SYNE2: variants seen among roughly 807,000 people sequenced by gnomAD.
SYNE2 encodes the protein spectrin repeat containing nuclear envelope protein 2.
SYNE2 carries 431 observed loss-of-function variants against 856.3 expected under a neutral mutation model. That is an observed-to-expected ratio of 0.50 (90% CI 0.47 to 0.55). The LOEUF is 0.55. Ranked by LOEUF, SYNE2 falls within the 20% of genes least tolerant of loss-of-function variation. SYNE2 has a pLI of 0.00. For synonymous variants in SYNE2, 2,923 were observed against 2,872.3 expected, an observed-to-expected ratio of 1.02 and a Z score of -0.56; for missense variants, 8,129 against 8,023.2, an observed-to-expected ratio of 1.01 and a Z score of -0.50.
intron 2 of SYNE2, among the ~76,000 whole-genome samples, chr14:63,919,972 G>GTTTTTTTTT (rs10673123): frequency 0.05 from 5,493 of 110,012 alleles, 709 homozygotes; most frequent in African/African-American, 0.2. Context: ...TAAAAGGTAA[G>GTTTTTTTTT]TTTTTTTTTT....
At chr14:63,862,662 C>T (rs1308352858) in intron 1 of SYNE2, among the ~76,000 whole-genome samples, 4 of 152,134 alleles carry the variant, frequency 2.6e-5, no homozygotes, top group Admixed American at 2.0e-4. Context: ...AGACTATACA[C>T]GCATGCCCTG....
At chr14:63,941,843 A>AT in intron 4 of SYNE2, 42 bp from the exon 5 acceptor site, 1 of 1,609,748 alleles carries the variant, frequency 6.2e-7, no homozygotes, top group Non-Finnish European at 8.5e-7. Flanking sequence ...AAAAATATGT[A>AT]TTTCATTTTT....
In SYNE2 at chr14:63,997,130, C is replaced by A; in HGVS notation, c.3124C>A (p.Pro1042Thr). The A allele has an allele frequency of 6.2e-7, 1 of 1,614,048 alleles. No individual in the cohort carries two copies. The highest frequency in any genetic ancestry group is 8.5e-7 in the Non-Finnish European group (1 of 1,179,970). The change falls in exon 24 of 116, where the codon CCC (proline) becomes ACC (threonine). Residue 1042 changes from proline (P) to threonine (T), a missense_variant. Coordinates refer to ENST00000555002, the MANE Select transcript of SYNE2 (RefSeq NM_182914.3). ...CASEIHMTLQ[P>T]TAGGTSKNEG... Reference sequence around the variant, plus strand: ...TTCCGAGATTCATATGACACTGCAGCCCACAGCGGGAGGCACGTCGAAAAA... The same window carrying A: ...TTCCGAGATTCATATGACACTGCAGACCACAGCGGGAGGCACGTCGAAAAA...
intron 45 of SYNE2, among the ~76,000 whole-genome samples, chr14:64,035,454 G>A (rs1227659519): frequency 6.7e-6 from 1 of 150,352 alleles, no homozygotes; most frequent in Non-Finnish European, 1.5e-5. Context: ...GCATCTTACT[G>A]TAGAGGTATT....
chr14:64,013,081 G>A (rs1292633083), intron 32 of SYNE2, among the ~76,000 whole-genome samples: 1 of 152,072 alleles, frequency 6.6e-6, no homozygotes, highest in Non-Finnish European at 1.5e-5. Flanking sequence ...TATCAAAGTG[G>A]GCCTAGTTCC....
intron 83 of SYNE2, 99 bp downstream of exon 83, chr14:64,144,047 A>G: frequency 2.9e-6 from 4 of 1,375,546 alleles, no homozygotes; most frequent in South Asian, 1.2e-5. Flanking sequence ...CTGATTATTA[A>G]GCCTAATAAT....
intron 111 of SYNE2, 95 bp downstream of exon 111, chr14:64,220,732 G>A: frequency 2.1e-6 from 3 of 1,409,472 alleles, no homozygotes; most frequent in African/African-American, 2.8e-5. Context: ...CTGCTTCCGT[G>A]CAGCCAAATG....
intron 1 of SYNE2, among the ~76,000 whole-genome samples, chr14:63,904,709 T>C (rs2095385508): frequency 6.6e-6 from 1 of 152,162 alleles, no homozygotes; most frequent in African/African-American, 2.4e-5. Flanking sequence ...AGATTCTGAA[T>C]ATTAGGCCTT....
intron 1 of SYNE2, among the ~76,000 whole-genome samples, chr14:63,819,783 G>A (rs34987502): frequency 0.065 from 9,620 of 148,854 alleles, 331 homozygotes; most frequent in Admixed American, 0.11. Flanking sequence ...TGATCCACCC[G>A]CCTCGGCCTC....
intron 99 of SYNE2, chr14:64,202,065 C>T (rs1035947367): frequency 1.7e-5 from 11 of 648,692 alleles, no homozygotes; most frequent in Non-Finnish European, 2.8e-5. Flanking sequence ...TCATGCCATG[C>T]GTGTGCTTTC....
intron 1 of SYNE2, among the ~76,000 whole-genome samples, chr14:63,883,824 A>G (rs2094920745): frequency 1.3e-5 from 2 of 149,604 alleles, no homozygotes; most frequent in Admixed American, 6.7e-5. Context: ...ATATAAATGT[A>G]GCCTTGGTTA....
At chr14:63,867,381 T>TA (rs561880955) in intron 1 of SYNE2, among the ~76,000 whole-genome samples, 51,498 of 128,060 alleles carry the variant, frequency 0.4, 11,066 homozygotes, top group South Asian at 0.5. Context: ...TTCCTCCTCT[T>TA]AAAAAAAAAA....
At chr14:63,888,159 A>G (rs1304056802) in intron 1 of SYNE2, among the ~76,000 whole-genome samples, 1 of 152,170 alleles carries the variant, frequency 6.6e-6, no homozygotes, top group Non-Finnish European at 1.5e-5. Context: ...GGGACCAAGT[A>G]TGTTCAGTAC....
intron 1 of SYNE2, among the ~76,000 whole-genome samples, chr14:63,766,815 CCTT>C (rs1265737631): frequency 6.6e-5 from 10 of 152,120 alleles, no homozygotes; most frequent in African/African-American, 9.7e-5. Flanking sequence ...CCTTAGATCT[CCTT>C]CTTTGTTAGC....
chr14:63,769,983 C>G lies in SYNE2; in HGVS notation c.-305+7997C>G, dbSNP rs1391147147. On this transcript the variant is annotated intron_variant, in intron 1 of 23. Coordinates refer to the SYNE2 transcript ENST00000674003. Reference sequence around the variant, plus strand: ...TGACTGGAGTGCAGTGGCACAATCACAGCTCACTGCAGCCTTGACCTCCGC... The same window carrying G: ...TGACTGGAGTGCAGTGGCACAATCAGAGCTCACTGCAGCCTTGACCTCCGC... Among the ~76,000 whole-genome samples the G allele has an allele frequency of 5.9e-5, 9 of 152,006 alleles. 1 individual carries two copies. Among genetic ancestry groups the G allele is most frequent in the Non-Finnish European group, 2.9e-5 (2 of 68,014 alleles).
Position 63,991,038 on chromosome 14 carries a change from C to T in SYNE2, c.2569C>T (p.Leu857Phe), listed in dbSNP as rs886793239. ...GAAGATGGAAGAATCCCAGAAGGAA[C>T]TTGAATCATATATGATGAGGGCTCA... ...RLKMEESQKELESYMMRAQQL... is the reference protein window; with the variant it reads ...RLKMEESQKEFESYMMRAQQL... Residue 857 changes from leucine to phenylalanine, a missense_variant, in exon 21 of 116, where the codon CTT (leucine) becomes TTT (phenylalanine). This residue lies in a region of SYNE2 where 2,422 missense variants were observed against 2,357.4 expected (regional missense o/e 1.03). Coordinates refer to ENST00000555002, the MANE Select transcript of SYNE2 (RefSeq NM_182914.3). 1 of 1,614,026 alleles carries T rather than the reference C, an allele frequency of 6.2e-7. No homozygotes were observed. The highest frequency in any genetic ancestry group is 1.7e-5 in the Admixed American group (1 of 60,004).
chr14:63,948,716 A>G (rs143041058), intron 6 of SYNE2, among the ~76,000 whole-genome samples: 4,290 of 56,902 alleles, frequency 0.075, 353 homozygotes, highest in Non-Finnish European at 0.11. Flanking sequence ...GTATATATAT[A>G]TGTGTGTATA....
At chr14:64,019,299 G>A (rs1416475030) in intron 34 of SYNE2, among the ~76,000 whole-genome samples, 2 of 151,274 alleles carry the variant, frequency 1.3e-5, no homozygotes, top group African/African-American at 4.8e-5. Flanking sequence ...TTGTTCTCTT[G>A]CTAGGTCAGA....
intron 31 of SYNE2, among the ~76,000 whole-genome samples, chr14:64,009,011 G>A (rs565667038): frequency 6.6e-6 from 1 of 152,184 alleles, no homozygotes; most frequent in South Asian, 2.1e-4. Context: ...GTTTCCTACC[G>A]GAACCTGAGT....
Sources: gnomAD v4.1 joint callset for allele counts (sites outside exome capture counted in the v4.1 genomes callset) on GRCh38, gnomAD v4.1.1 for gene constraint, gnomAD v4.1.1 regional missense constraint, MANE v1.5 for transcripts, NCBI Gene and HGNC (gene_info 2026-07-23, HGNC 2026-07-21) for gene names.